RPS6KA2: variants seen among roughly 807,000 people sequenced by gnomAD.
RPS6KA2 encodes ribosomal protein S6 kinase alpha-2.
In RPS6KA2, 42 loss-of-function variants were observed where a neutral mutation model predicts 91.8. The observed-to-expected ratio is 0.46, with a 90% CI of 0.36 to 0.59. RPS6KA2 has a LOEUF of 0.59. Among genes scored for constraint, RPS6KA2 ranks in the 20% least tolerant of loss-of-function variants. RPS6KA2 has a pLI of 0.00. For synonymous variants in RPS6KA2, 414 were observed against 393.6 expected (o/e 1.05, Z -0.61); for missense variants, 798 against 978.5 (o/e 0.82, Z 2.46).
intron 2 of RPS6KA2, among the ~76,000 whole-genome samples, chr6:166,776,298 G>A (rs772602508): frequency 6.6e-5 from 10 of 152,204 alleles, no homozygotes; most frequent in Non-Finnish European, 8.8e-5. Context: ...TAACCCACAG[G>A]CTCCAGAAAT....
At chr6:166,550,809 T>C (rs549777661) in intron 1 of RPS6KA2, among the ~76,000 whole-genome samples, 54 of 152,092 alleles carry the variant, frequency 3.6e-4, no homozygotes, top group South Asian at 2.3e-3. Context: ...GACACCATCC[T>C]GGCTAACACG....
intron 3 of RPS6KA2, among the ~76,000 whole-genome samples, chr6:166,518,112 CCTGTCT>C (rs1782721291): frequency 6.6e-6 from 1 of 151,780 alleles, no homozygotes; most frequent in African/African-American, 2.4e-5. Context: ...ATGGTAAAAC[CCTGTCT>C]CTACTAAAAA....
chr6:166,586,473 G>T, intron 1 of RPS6KA2: 1 of 1,597,628 alleles, frequency 6.3e-7, no homozygotes, highest in Non-Finnish European at 8.5e-7. Context: ...GGCAGTGTCA[G>T]TCATTCTGAA....
rs192558417 is a variant in RPS6KA2 at position 166,490,279 on chromosome 6, C to T, written c.818+392G>A. ...ATCTCTCCGGACAAGGCCCTGGAGG[C>T]CTTGTGTCTTTTTCCGTCTATCCTT... On this transcript the variant is annotated intron_variant, in intron 9 of 20. Transcript: ENST00000265678. This position sits in a 1 kb window ranked among gnomAD's most constrained non-coding sequence, Gnocchi z 4.2. Among the ~76,000 whole-genome samples the T allele has an allele frequency of 6.6e-6, 1 of 152,206 alleles. No homozygotes were observed. The highest frequency in any genetic ancestry group is 1.9e-4 in the East Asian group (1 of 5,180).
At chr6:166,587,158 T>C (rs1384532475) in intron 1 of RPS6KA2, among the ~76,000 whole-genome samples, 7 of 152,110 alleles carry the variant, frequency 4.6e-5, no homozygotes, top group Admixed American at 2.0e-4. Context: ...AAGGAAGAAA[T>C]AATTTTTCTT....
At position 166,669,136 on chromosome 6, in the gene RPS6KA2, C is replaced by T. The variant is rs532478839; in HGVS notation, c.124-130352G>A. ...CTTGAGCTCCTGGCCTCAAGTGATC[C>T]GCCCACTTCAGCCTCCCAAAGTGCT... On this transcript the variant is annotated intron_variant, in intron 2 of 21. Coordinates refer to the RPS6KA2 transcript ENST00000503859. 1.2e-4 allele frequency among the ~76,000 whole-genome samples: 19 copies of T among 152,146 alleles called. No homozygotes were observed. In the South Asian group the frequency reaches 2.3e-3, roughly 18 times the overall value.
chr6:166,668,223 G>T lies in RPS6KA2; in HGVS notation c.124-129439C>A, dbSNP rs115887264. ...GAAGGAAATGCAGAGTGAAGACAGC[G>T]TTCCTGAACACAAAGCATGAGGCGT... is the stretch of plus-strand genomic sequence containing the variant. On this transcript the variant is annotated intron_variant, in intron 2 of 21. Coordinates refer to the RPS6KA2 transcript ENST00000503859. 2.0e-5 allele frequency among the ~76,000 whole-genome samples: 3 copies of T among 152,118 alleles called. No individual in the cohort carries two copies. In the East Asian group the frequency reaches 5.8e-4, roughly 29 times the overall value.
At chr6:166,640,083 C>T (rs1787377976) in intron 2 of RPS6KA2, among the ~76,000 whole-genome samples, 1 of 152,026 alleles carries the variant, frequency 6.6e-6, no homozygotes. Context: ...TGGTGAGGCT[C>T]TAGGAGGTTA....
intron 2 of RPS6KA2, among the ~76,000 whole-genome samples, chr6:166,774,312 T>C (rs897848085): frequency 2.0e-5 from 3 of 152,250 alleles, no homozygotes; most frequent in Non-Finnish European, 4.4e-5. Flanking sequence ...TAGACAGTCA[T>C]GGTCAGGCAG....
rs1786887422 is a variant in RPS6KA2 at position 166,626,619 on chromosome 6, G to A, written c.99+302C>T. 6.6e-6 allele frequency among the ~76,000 whole-genome samples: 1 copy of A among 152,170 alleles called. No homozygotes were observed. Among genetic ancestry groups the A allele is most frequent in the Non-Finnish European group, 1.5e-5 (1 of 68,004 alleles). ...GCAGAGAAAGCCCCTCCTCACCCGG[G>A]GCTCCCTGTGGCCCACAGGGGACCA... On this transcript the variant is annotated intron_variant, in intron 1 of 20. Transcript: ENST00000265678. This position sits in a 1 kb window ranked among gnomAD's most constrained non-coding sequence, Gnocchi z 4.1.
chr6:166,541,561 C>T (rs569574927), intron 1 of RPS6KA2, among the ~76,000 whole-genome samples: 1 of 152,314 alleles, frequency 6.6e-6, no homozygotes, highest in African/African-American at 2.4e-5. Context: ...TGGACGCTGG[C>T]ACCTCAGAAT....
intron 2 of RPS6KA2, among the ~76,000 whole-genome samples, chr6:166,536,392 G>A (rs1203509886): frequency 6.6e-6 from 1 of 152,176 alleles, no homozygotes. Context: ...GTAGAGAGGA[G>A]GAATACAGTA....
Position 166,821,010 on chromosome 6 carries a change from A to G in RPS6KA2, c.123+37190T>C, listed in dbSNP as rs887635593. Among the ~76,000 whole-genome samples the G allele has an allele frequency of 1.3e-5, 2 of 152,188 alleles. No individual in the cohort carries two copies. Among genetic ancestry groups the G allele is most frequent in the Non-Finnish European group, 2.9e-5 (2 of 68,026 alleles). ...ATAGCACAAAATAGCATTTTATCAC[A>G]GGGAGCCAAGGGCAGGGACAAGCAG... On this transcript the variant is annotated intron_variant, in intron 2 of 21. Coordinates refer to the RPS6KA2 transcript ENST00000503859. This position sits in a 1 kb window ranked among gnomAD's most constrained non-coding sequence, Gnocchi z 4.1.
chr6:166,668,521 G>A (rs62438678), intron 2 of RPS6KA2, among the ~76,000 whole-genome samples: 26,878 of 152,132 alleles, frequency 0.18, 2,637 homozygotes, highest in African/African-American at 0.25. Flanking sequence ...AATTGGCTGA[G>A]TAAGGCTGGA....
At chr6:166,560,204 C>T (rs1784301612) in intron 1 of RPS6KA2, among the ~76,000 whole-genome samples, 1 of 152,208 alleles carries the variant, frequency 6.6e-6, no homozygotes, top group Non-Finnish European at 1.5e-5. Flanking sequence ...GCATTTCTGG[C>T]CCTCTGTGTT....
intron 1 of RPS6KA2, among the ~76,000 whole-genome samples, chr6:166,552,140 A>AG (rs901751336): frequency 2.0e-5 from 3 of 152,320 alleles, no homozygotes; most frequent in African/African-American, 7.2e-5. Flanking sequence ...GAACACTTAC[A>AG]GGGGAACTCA....
chr6:166,418,460 C>G lies in RPS6KA2; in HGVS notation c.1821-118G>C. ...GAATAGCACTTTGCTTCTCCCTCCT[C>G]TGCTCTGAAGCCAGGATTCATGGGA... On this transcript the variant is annotated intron_variant, in intron 18 of 20. Coordinates refer to ENST00000265678, the MANE Select transcript of RPS6KA2 (RefSeq NM_021135.6). This position sits in a 1 kb window ranked among gnomAD's most constrained non-coding sequence, Gnocchi z 4.9. The G allele has an allele frequency of 1.3e-6, 1 of 766,380 alleles. No homozygotes were observed. Among genetic ancestry groups the G allele is most frequent in the Non-Finnish European group, 2.3e-6 (1 of 438,656 alleles). 47.5% of individuals were successfully genotyped at this position (766,380 alleles called of 1,614,324 possible).
At chr6:166,431,133 G>A (rs1779116461) in intron 15 of RPS6KA2, among the ~76,000 whole-genome samples, 1 of 152,146 alleles carries the variant, frequency 6.6e-6, no homozygotes, top group African/African-American at 2.4e-5. Context: ...TCACCATGTT[G>A]GCCAAGCTGG....
At chr6:166,590,517 T>C (rs1472986433) in intron 1 of RPS6KA2, among the ~76,000 whole-genome samples, 1 of 152,160 alleles carries the variant, frequency 6.6e-6, no homozygotes, top group Admixed American at 6.5e-5. Context: ...AATCCAGACA[T>C]GCAGCAGCAC....
Sources: allele counts gnomAD v4.1 joint callset (sites outside exome capture counted in the v4.1 genomes callset), GRCh38; gene constraint gnomAD v4.1.1; non-coding constraint Gnocchi (gnomAD v3.1); transcripts MANE v1.5; gene names NCBI Gene and HGNC (gene_info 2026-07-23, HGNC 2026-07-21).